The following SPAST variants were observed in gnomAD, a reference collection of about 807,000 sequenced individuals.
SPAST encodes spastin, also known as spastic paraplegia 4 (autosomal dominant; spastin).
In SPAST, 30 loss-of-function variants were observed where a neutral mutation model predicts 76.6. That is an observed-to-expected ratio of 0.39 (90% CI 0.29 to 0.53). The LOEUF is 0.53. SPAST is among the 20% of genes least tolerant of loss of function. SPAST has a pLI of 0.68. For missense variants in SPAST, 717 were observed against 770.5 expected, an observed-to-expected ratio of 0.93 and a Z score of 0.82; for synonymous variants, 305 against 281.0, an observed-to-expected ratio of 1.09 and a Z score of -0.86.
chr2:32,097,195 G>A (rs1320662332), intron 3 of SPAST, among the ~76,000 whole-genome samples: 1 of 152,174 alleles, frequency 6.6e-6, no homozygotes, highest in Non-Finnish European at 1.5e-5. Context: ...GAGTGTCAGG[G>A]ATCAAACTGC....
rs1346095907 is a variant in SPAST at position 32,064,326 on chromosome 2, C to G, written c.415+80C>G. On this transcript the variant is annotated intron_variant, in intron 1 of 16. Transcript: ENST00000315285. Reference sequence around the variant, plus strand: ...CGCCGGGGGAGGGCAACACCTGCGTCCCTTTTCTGCGGGAGGGGACGGTGC... The same window carrying G: ...CGCCGGGGGAGGGCAACACCTGCGTGCCTTTTCTGCGGGAGGGGACGGTGC... 6.1e-6 allele frequency: 8 copies of G among 1,313,614 alleles called. No homozygotes were observed. The Admixed American group carries it at 1.6e-4, about 27-fold the overall frequency. 81.4% of individuals were successfully genotyped at this position (1,313,614 alleles called of 1,614,324 possible).
intron 4 of SPAST, among the ~76,000 whole-genome samples, chr2:32,114,249 A>C (rs1266292969): frequency 1.3e-5 from 2 of 152,158 alleles, no homozygotes; most frequent in South Asian, 4.1e-4. Context: ...TTTCTATAAA[A>C]AAAATTTTTA....
chr2:32,115,724 C>T lies in SPAST; in HGVS notation c.893C>T (p.Thr298Ile). 1 of 1,610,024 alleles carries T rather than the reference C, an allele frequency of 6.2e-7. No homozygotes were observed. Among genetic ancestry groups the T allele is most frequent in the South Asian group, 1.1e-5 (1 of 90,760 alleles). The part of the protein sequence containing the change: ...THKGTPKTNR[T>I]NKPSTPTTAT... ...AAGGGTACTCCGAAAACAAATAGGA[C>T]AAATAAACCTTCTACCCCTACAACT... The change falls in exon 6 of 17, where the codon ACA becomes ATA. Residue 298 changes from threonine (T) to isoleucine (I), a missense_variant. This residue lies in a region of SPAST where 543 missense variants were observed against 445.2 expected (regional missense o/e 1.22). Transcript: ENST00000315285.
Position 32,142,037 on chromosome 2 carries a change from C to G in SPAST, c.1536+91C>G, listed in dbSNP as rs181074628. 1.3e-3 allele frequency: 1,285 copies of G among 1,008,178 alleles called. 4 individuals carry two copies. The highest frequency in any genetic ancestry group is 2.0e-3 in the Admixed American group (105 of 51,408). 62.5% of individuals were successfully genotyped at this position (1,008,178 alleles called of 1,614,324 possible). A position where few individuals can be genotyped will look rare whatever the true frequency, so the allele number is the denominator to read the frequency against. On this transcript the variant is annotated intron_variant, in intron 13 of 16. Transcript: ENST00000315285. ...TTAAGTCTTCCAATCCATGGTACAG[C>G]TACTTTGGAAAACAGTTTAGTGGTT... is the stretch of plus-strand genomic sequence containing the variant.
At chr2:32,123,801 G>A (rs930755948) in intron 7 of SPAST, among the ~76,000 whole-genome samples, 1 of 152,098 alleles carries the variant, frequency 6.6e-6, no homozygotes, top group Non-Finnish European at 1.5e-5. Flanking sequence ...AAATGGTATA[G>A]GACAACTGGA....
In SPAST at chr2:32,154,578, A is replaced by G; in HGVS notation, c.*82A>G. ...TTCAATGAACGTCATCGGCTACAGA[A>G]ACAGCCTAAGTTTACAGGACTTTTT... On this transcript the variant is annotated 3_prime_UTR_variant, in exon 17 of 17. Coordinates refer to ENST00000315285, the MANE Select transcript of SPAST (RefSeq NM_014946.4). 7.0e-7 allele frequency: 1 copy of G among 1,434,740 alleles called. No homozygotes were observed. The allele number at this position is 1,434,740 out of a possible 1,614,324, so 88.9% of individuals were successfully genotyped here.
chr2:32,071,655 A>T (rs1676756446), intron 1 of SPAST, among the ~76,000 whole-genome samples: 1 of 152,174 alleles, frequency 6.6e-6, no homozygotes, highest in Non-Finnish European at 1.5e-5. Context: ...AGGCAGGAAA[A>T]CTAGAAGTTG....
intron 1 of SPAST, among the ~76,000 whole-genome samples, chr2:32,064,461 G>C (rs1452722203): frequency 6.6e-6 from 1 of 152,154 alleles, no homozygotes; most frequent in Admixed American, 6.5e-5. Flanking sequence ...TGTCGACTTT[G>C]TTTCAGACAC....
intron 1 of SPAST, among the ~76,000 whole-genome samples, chr2:32,074,213 C>G (rs186378879): frequency 6.6e-6 from 1 of 152,246 alleles, no homozygotes; most frequent in East Asian, 1.9e-4. Context: ...TAAAACCTAT[C>G]TAGAAGAAAA....
intron 1 of SPAST, among the ~76,000 whole-genome samples, chr2:32,083,731 CTATATATATTTATATATACTA>C (rs200096599): frequency 0.053 from 3,687 of 69,746 alleles, 160 homozygotes; most frequent in South Asian, 0.071. Context: ...TTTATATATA[CTATATATATTTATATATACTA>C]TATATATATA....
At chr2:32,100,636 T>C (rs868443890) in intron 4 of SPAST, among the ~76,000 whole-genome samples, 10 of 151,794 alleles carry the variant, frequency 6.6e-5, no homozygotes, top group South Asian at 2.1e-4. Flanking sequence ...ACAGGCCCCA[T>C]TGTGTGATGT....
In SPAST at chr2:32,066,663, G is replaced by A. The variant is rs548960202; in HGVS notation, c.415+2417G>A. On this transcript the variant is annotated intron_variant, in intron 1 of 16. Coordinates refer to ENST00000315285, the MANE Select transcript of SPAST (RefSeq NM_014946.4). ...AGCCTGGGCGGCAGAGCAAGACTCC[G>A]TCTTGAAAAAAAAAAGTAGGTCATT... Among the ~76,000 whole-genome samples, 207 of 151,252 alleles carry A rather than the reference G, an allele frequency of 1.4e-3. 7 individuals carry two copies. In the South Asian group the frequency reaches 0.041, roughly 30 times the overall value.
chr2:32,100,320 CTTT>C (rs77790719), intron 4 of SPAST, among the ~76,000 whole-genome samples: 1 of 128,062 alleles, frequency 7.8e-6, no homozygotes, highest in Non-Finnish European at 1.7e-5. Context: ...TTATTGGTTA[CTTT>C]TTTTTTTTTT....
At chr2:32,066,972 C>CAAAAAAAAAAAAAAAAAAAAACCA (rs60829143) in intron 1 of SPAST, among the ~76,000 whole-genome samples, 1 of 77,600 alleles carries the variant, frequency 1.3e-5, no homozygotes, top group South Asian at 6.3e-4. Context: ...AAAACTGTCT[C>CAAAAAAAAAAAAAAAAAAAAACCA]AAAAAAAAAA....
chr2:32,082,549 A>G (rs1677280471), intron 1 of SPAST, among the ~76,000 whole-genome samples: 1 of 152,000 alleles, frequency 6.6e-6, no homozygotes, highest in Non-Finnish European at 1.5e-5. Context: ...ATACAAAATT[A>G]GCCGGGCGTG....
chr2:32,089,174 C>G (rs1415126588), intron 2 of SPAST, among the ~76,000 whole-genome samples: 1 of 150,740 alleles, frequency 6.6e-6, no homozygotes, highest in Non-Finnish European at 1.5e-5. Context: ...GTGATCCTTG[C>G]AACTCACCCT....
Position 32,144,894 on chromosome 2 carries a change from C to T in SPAST, c.1617-43C>T, listed in dbSNP as rs769567274. On this transcript the variant is annotated intron_variant, in intron 14 of 16. Transcript: ENST00000315285. ...AGCAAAACTCCATCTCAAAAAAAAG[C>T]GGGAGGGGAAATAATTTGCTGTTTC... The T allele has an allele frequency of 2.9e-5, 40 of 1,401,076 alleles. No individual in the cohort carries two copies. The East Asian group carries it at 6.0e-4, about 21-fold the overall frequency. 86.8% of individuals were successfully genotyped at this position (1,401,076 alleles called of 1,614,324 possible).
At chr2:32,087,233 G>A (rs1184291676) in intron 1 of SPAST, among the ~76,000 whole-genome samples, 1 of 152,044 alleles carries the variant, frequency 6.6e-6, no homozygotes, top group Non-Finnish European at 1.5e-5. Context: ...CAGCATTTTA[G>A]GTTATAAGGA....
chr2:32,113,871 A>T (rs970687652), intron 4 of SPAST, among the ~76,000 whole-genome samples: 1 of 151,972 alleles, frequency 6.6e-6, no homozygotes, highest in Non-Finnish European at 1.5e-5. Context: ...CCGGCGCTTC[A>T]TAACCTTTTT....
Sources: allele counts gnomAD v4.1 joint callset (sites outside exome capture counted in the v4.1 genomes callset), GRCh38; gene constraint gnomAD v4.1.1; regional missense constraint gnomAD v4.1.1; transcripts MANE v1.5; gene names NCBI Gene and HGNC (gene_info 2026-07-23, HGNC 2026-07-21).